Variants in ANO2 observed in about 807,000 individuals in gnomAD.
ANO2 encodes anoctamin 2.
In ANO2, 101 loss-of-function variants were observed where a neutral mutation model predicts 124.2. That is an observed-to-expected ratio of 0.81 (90% CI 0.69 to 0.96). The LOEUF (loss-of-function observed/expected upper bound fraction) is 0.96. Among genes scored for constraint, ANO2 ranks in the 40% least tolerant of loss-of-function variants. The probability of loss-of-function intolerance (pLI) is 0.00; values close to 1 mark genes in which losing one functional copy is unlikely to be tolerated. For missense variants in ANO2, 1,293 were observed against 1,274.5 expected, an observed-to-expected ratio of 1.01 and a Z score of -0.22; for synonymous variants, 486 against 482.5, an observed-to-expected ratio of 1.01 and a Z score of -0.09.
intron 14 of ANO2, among the ~76,000 whole-genome samples, chr12:5,697,917 C>T (rs1481101715): frequency 6.6e-6 from 1 of 152,202 alleles, no homozygotes; most frequent in Non-Finnish European, 1.5e-5. Context: ...GAGGGGCCCC[C>T]ACCATTGCTG....
intron 14 of ANO2, among the ~76,000 whole-genome samples, chr12:5,671,390 A>G (rs950214416): frequency 6.6e-6 from 1 of 152,142 alleles, no homozygotes; most frequent in Non-Finnish European, 1.5e-5. Flanking sequence ...CTCTGCCGAG[A>G]CAAAAAGCTC....
chr12:5,847,858 T>C (rs2137243871), intron 4 of ANO2, among the ~76,000 whole-genome samples: 1 of 152,384 alleles, frequency 6.6e-6, no homozygotes, highest in South Asian at 2.1e-4. Context: ...CAATTACATA[T>C]GTTTTCTCTT....
Position 5,868,699 on chromosome 12 carries a change from G to A in ANO2, c.535-14558C>T, listed in dbSNP as rs533533211. On this transcript the variant is annotated intron_variant, in intron 3 of 24. Transcript: ENST00000682330. ...ATGAGGCGAAAGCCCAGTCTGGATC[G>A]TGTCCTCTCTATGCAGCCCAAACAT... is the stretch of plus-strand genomic sequence containing the variant. Among the ~76,000 whole-genome samples the A allele has an allele frequency of 6.6e-5, 10 of 152,240 alleles. No homozygotes were observed. The South Asian group carries it at 1.0e-3, about 16-fold the overall frequency.
chr12:5,891,452 G>C (rs1389773353), intron 3 of ANO2, among the ~76,000 whole-genome samples: 1 of 152,192 alleles, frequency 6.6e-6, no homozygotes, highest in Non-Finnish European at 1.5e-5. Flanking sequence ...TGTGGCAGAG[G>C]AGGGTAAGTA....
chr12:5,939,435 G>C (rs1012865450), intron 1 of ANO2, among the ~76,000 whole-genome samples: 1 of 152,094 alleles, frequency 6.6e-6, no homozygotes, highest in African/African-American at 2.4e-5. Context: ...GATCAAAGAT[G>C]AGTTAGATCC....
chr12:5,882,742 G>A (rs772832476), intron 3 of ANO2, among the ~76,000 whole-genome samples: 5 of 152,144 alleles, frequency 3.3e-5, no homozygotes, highest in Admixed American at 6.5e-5. Flanking sequence ...TCCCCAAACA[G>A]AGCTGCCTTT....
chr12:5,918,368 G>T (rs569739188), intron 3 of ANO2, among the ~76,000 whole-genome samples: 1 of 152,236 alleles, frequency 6.6e-6, no homozygotes, highest in East Asian at 1.9e-4. Context: ...TCTGCCTAGG[G>T]ACAGGGGAAA....
chr12:5,612,605 T>G, intron 19 of ANO2, 51 bp downstream of exon 19: 1 of 1,525,862 alleles, frequency 6.6e-7, no homozygotes. Flanking sequence ...CTGGCACTTC[T>G]GGGCTAACCC....
chr12:5,709,496 T>C (rs1949731191), intron 14 of ANO2, among the ~76,000 whole-genome samples: 1 of 152,202 alleles, frequency 6.6e-6, no homozygotes, highest in African/African-American at 2.4e-5. Flanking sequence ...ACCTCATCTC[T>C]ACTACAATCA....
chr12:5,933,560 GT>G (rs1297731241), intron 1 of ANO2, among the ~76,000 whole-genome samples: 1 of 152,066 alleles, frequency 6.6e-6, no homozygotes, highest in East Asian at 1.9e-4. Context: ...ATTCCTAACT[GT>G]TTTTCTGATA....
At chr12:5,580,586 C>T (rs1247432574) in intron 20 of ANO2, among the ~76,000 whole-genome samples, 4 of 152,240 alleles carry the variant, frequency 2.6e-5, no homozygotes, top group East Asian at 3.9e-4. Context: ...TGCTATGGTT[C>T]GCATTGTCTT....
At chr12:5,645,831 G>A (rs1338276679) in intron 15 of ANO2, among the ~76,000 whole-genome samples, 1 of 152,172 alleles carries the variant, frequency 6.6e-6, no homozygotes, top group Non-Finnish European at 1.5e-5. Flanking sequence ...ATTTGCTTCT[G>A]CTGAGCACCT....
chr12:5,732,451 T>C lies in ANO2; in HGVS notation c.1545+69A>G, dbSNP rs186195772. The C allele has an allele frequency of 9.0e-5, 124 of 1,381,774 alleles. No homozygotes were observed. The African/African-American group carries it at 1.7e-3, about 19-fold the overall frequency. 85.6% of individuals were successfully genotyped at this position (1,381,774 alleles called of 1,614,324 possible). On this transcript the variant is annotated intron_variant, in intron 14 of 24. Transcript: ENST00000682330. ...AGCCCAGTCTCCCTTCACTAAGGCG[T>C]GCCAAACAAAATGACAACAGGATCT...
At chr12:5,643,181 C>T (rs906104581) in intron 15 of ANO2, among the ~76,000 whole-genome samples, 4 of 152,266 alleles carry the variant, frequency 2.6e-5, no homozygotes, top group African/African-American at 9.6e-5. Flanking sequence ...TCTCCCATCC[C>T]TGCTGCTCCT....
At chr12:5,764,718 T>G (rs540451606) in intron 10 of ANO2, among the ~76,000 whole-genome samples, 29 of 129,480 alleles carry the variant, frequency 2.2e-4, no homozygotes, top group African/African-American at 7.2e-4. Flanking sequence ...CCTGTTCTCC[T>G]GCTTTTTTCC....
chr12:5,927,835 G>A (rs991978043), intron 1 of ANO2, among the ~76,000 whole-genome samples: 5 of 152,232 alleles, frequency 3.3e-5, no homozygotes, highest in African/African-American at 1.2e-4. Flanking sequence ...TCCAAATAAT[G>A]CTATATCCCC....
intron 3 of ANO2, among the ~76,000 whole-genome samples, chr12:5,863,962 TA>T (rs1392933675): frequency 1.3e-5 from 2 of 152,342 alleles, no homozygotes; most frequent in East Asian, 3.9e-4. Context: ...CATATGAAGG[TA>T]TTTTGTAAAC....
At chr12:5,563,930 A>G (rs1941599558) in intron 24 of ANO2, among the ~76,000 whole-genome samples, 2 of 152,050 alleles carry the variant, frequency 1.3e-5, no homozygotes, top group African/African-American at 4.8e-5. Flanking sequence ...CTTGGCCTCT[A>G]AGCCTCCAGG....
chr12:5,850,756 T>G (rs529542926), intron 4 of ANO2, among the ~76,000 whole-genome samples: 2 of 152,206 alleles, frequency 1.3e-5, no homozygotes, highest in Admixed American at 1.3e-4. Context: ...TCAGTGCCTC[T>G]CCAAGGACTT....
Sources: allele counts gnomAD v4.1 joint callset (sites outside exome capture counted in the v4.1 genomes callset), GRCh38; gene constraint gnomAD v4.1.1; transcripts MANE v1.5; gene names NCBI Gene and HGNC (gene_info 2026-07-23, HGNC 2026-07-21).